Variants in ABL2 observed in about 807,000 individuals in gnomAD.
ABL2 encodes ABL proto-oncogene 2, non-receptor tyrosine kinase, also known as tyrosine-protein kinase ABL2.
ABL2 carries 49 observed loss-of-function variants against 107.7 expected under a neutral mutation model. The ratio of observed to expected loss-of-function variants is 0.45; its 90% confidence interval spans 0.36 to 0.58. The LOEUF is 0.58. ABL2 is among the 20% of genes least tolerant of loss of function. The pLI is 0.00. For synonymous variants in ABL2, 549 were observed against 548.6 expected (o/e 1.00, Z -0.01); for missense variants, 1,245 against 1,457.0 (o/e 0.85, Z 2.37).
chr1:179,130,796 G>C (rs1013582118), intron 3 of ABL2, among the ~76,000 whole-genome samples: 1 of 150,106 alleles, frequency 6.7e-6, no homozygotes, highest in African/African-American at 2.5e-5. Context: ...GCAAAAAAAA[G>C]TAACTTTTAT....
In ABL2 at chr1:179,109,458, G is replaced by A. The variant is rs759313417; in HGVS notation, c.1826-17C>T. ...TGATGAACCCTGATGAGAAATGGCC[G>A]ATCAGTAACTTAAAAGACAAGAAGT... On this transcript the variant is annotated splice_polypyrimidine_tract_variant and intron_variant, in intron 11 of 11. Transcript: ENST00000502732. 8.8e-6 allele frequency: 14 copies of A among 1,586,614 alleles called. No individual in the cohort carries two copies. Among genetic ancestry groups the A allele is most frequent in the South Asian group, 6.9e-5 (6 of 86,994 alleles).
chr1:179,110,722 C>T (rs1195293786), intron 10 of ABL2: 1 of 1,609,870 alleles, frequency 6.2e-7, no homozygotes, highest in Non-Finnish European at 8.5e-7. Context: ...ACCTGTTCTC[C>T]TCTTGATGGA....
intron 1 of ABL2, among the ~76,000 whole-genome samples, chr1:179,182,086 C>T (rs1038078843): frequency 2.6e-5 from 4 of 151,564 alleles, no homozygotes; most frequent in Non-Finnish European, 4.4e-5. Flanking sequence ...CGTGAGCCAC[C>T]GCACCCAGCC....
chr1:179,114,955 T>C lies in ABL2; in HGVS notation c.1484A>G (p.Tyr495Cys). Residue 495 changes from tyrosine to cysteine, a missense_variant, in exon 9 of 12, where the codon TAT becomes TGT. Physicochemically the swap from Tyr to Cys is radical, Grantham distance 194. This residue lies in a region of ABL2 where 320 missense variants were observed against 547.0 expected (regional missense o/e 0.59). Transcript: ENST00000502732. ...TCGATATCCTTTTTCTAGTAGGTCA[T>C]AGACCTGAGACAGGTCAATACCTGG... The part of the protein sequence containing the change: ...PYPGIDLSQV[Y>C]DLLEKGYRME... 1.9e-6 allele frequency: 3 copies of C among 1,612,754 alleles called. No homozygotes were observed. Among genetic ancestry groups the C allele is most frequent in the Non-Finnish European group, 2.5e-6 (3 of 1,179,456 alleles).
intron 1 of ABL2, among the ~76,000 whole-genome samples, chr1:179,194,722 T>C (rs2816203): frequency 0.35 from 52,502 of 152,048 alleles, 9,475 homozygotes; most frequent in East Asian, 0.48. Flanking sequence ...GAATAAATGT[T>C]GTTTGTTTTA....
At chr1:179,227,150 T>C (rs1333646458) in intron 1 of ABL2, among the ~76,000 whole-genome samples, 3 of 152,218 alleles carry the variant, frequency 2.0e-5, no homozygotes, top group Admixed American at 6.5e-5. Context: ...CTATCAAAAT[T>C]TTCTTTCTAC....
intron 1 of ABL2, among the ~76,000 whole-genome samples, chr1:179,189,324 GGGTTTCACCATGTT>G (rs2102816774): frequency 6.6e-6 from 1 of 152,138 alleles, no homozygotes; most frequent in South Asian, 2.1e-4. Context: ...AGTAGAGACG[GGGTTTCACCATGTT>G]GGCCAGGCTT....
At position 179,109,243 on chromosome 1, in the gene ABL2, A is replaced by C; in HGVS notation, c.2024T>G (p.Met675Arg). ...PPKRSSSFREMENQPHKKYEL... is the reference protein window; with the variant it reads ...PPKRSSSFRERENQPHKKYEL... Reference sequence around the variant, plus strand: ...GTATTTCTTATGGGGCTGATTCTCCATTTCTCGGAAGGAGCTGCTGCGTTT... The same window carrying C: ...GTATTTCTTATGGGGCTGATTCTCCCTTTCTCGGAAGGAGCTGCTGCGTTT... Residue 675 changes from methionine to arginine, a missense_variant, in exon 12 of 12, where the codon ATG (methionine) becomes AGG (arginine). Physicochemically the swap from Met to Arg is moderately conservative, Grantham distance 91. Transcript: ENST00000502732. 1 of 1,613,736 alleles carries C rather than the reference A, an allele frequency of 6.2e-7. No individual in the cohort carries two copies. Among genetic ancestry groups the C allele is most frequent in the East Asian group, 2.2e-5 (1 of 44,874 alleles).
At chr1:179,225,885 C>CA (rs1001164886) in intron 1 of ABL2, among the ~76,000 whole-genome samples, 8 of 149,736 alleles carry the variant, frequency 5.3e-5, no homozygotes, top group South Asian at 2.1e-4. Context: ...ACTAAAAATA[C>CA]AAAAAAAAAT....
rs1653740958 is a variant in ABL2, at chr1:179,108,839, G to A, written c.2428C>T (p.Leu810Phe). 6.2e-7 allele frequency: 1 copy of A among 1,614,058 alleles called. No individual in the cohort carries two copies. The highest frequency in any genetic ancestry group is 1.1e-5 in the South Asian group (1 of 91,082). Residue 810 changes from leucine (L) to phenylalanine (F), a missense_variant, in exon 12 of 12, where the codon CTC becomes TTC. Transcript: ENST00000502732. ...GTGGACACTGTCCTTTCCAGCTGGA[G>A]TTTGGACCTCTGGCAGTTCCTGGGA... ...TLPRNCQRSK[L>F]QLERTVSTSS...
At chr1:179,201,679 A>G (rs1475467554) in intron 1 of ABL2, 9 of 586,476 alleles carry the variant, frequency 1.5e-5, no homozygotes, top group Non-Finnish European at 2.8e-5. Flanking sequence ...GCACATGCTG[A>G]AGAGTTGTCT....
At chr1:179,182,086 C>A (rs1038078843) in intron 1 of ABL2, among the ~76,000 whole-genome samples, 2 of 151,564 alleles carry the variant, frequency 1.3e-5, no homozygotes, top group African/African-American at 4.9e-5. Context: ...CGTGAGCCAC[C>A]GCACCCAGCC....
chr1:179,143,733 G>A (rs1004992453), intron 1 of ABL2, among the ~76,000 whole-genome samples: 2 of 152,192 alleles, frequency 1.3e-5, no homozygotes, highest in Non-Finnish European at 2.9e-5. Context: ...GTCTCGCTCT[G>A]TCGCCCAGGC....
intron 10 of ABL2, chr1:179,110,949 G>C: frequency 7.3e-7 from 1 of 1,377,338 alleles, no homozygotes. Context: ...TACTCTGCAT[G>C]CTTGCTAAAA....
intron 1 of ABL2, among the ~76,000 whole-genome samples, chr1:179,219,785 GAAGT>G (rs763857077): frequency 6.6e-6 from 1 of 152,232 alleles, no homozygotes; most frequent in Non-Finnish European, 1.5e-5. Flanking sequence ...AAGAGAAAAT[GAAGT>G]AATAAATATA....
intron 1 of ABL2, among the ~76,000 whole-genome samples, chr1:179,137,164 G>A (rs1186423304): frequency 2.0e-5 from 3 of 152,070 alleles, no homozygotes; most frequent in Non-Finnish European, 2.9e-5. Flanking sequence ...ATGGTGAATG[G>A]GAACAGCTGT....
At chr1:179,111,496 C>T (rs558444121) in intron 10 of ABL2, among the ~76,000 whole-genome samples, 1 of 151,600 alleles carries the variant, frequency 6.6e-6, no homozygotes, top group African/African-American at 2.4e-5. Flanking sequence ...ATGTTGGCCA[C>T]GCTAGTCTCC....
chr1:179,219,804 C>T (rs1662775252), intron 1 of ABL2, among the ~76,000 whole-genome samples: 1 of 152,172 alleles, frequency 6.6e-6, no homozygotes, highest in Admixed American at 6.5e-5. Flanking sequence ...AATATAAATG[C>T]TAAGGCAATT....
chr1:179,198,172 CAAAA>C (rs201688067), intron 1 of ABL2, among the ~76,000 whole-genome samples: 4 of 63,578 alleles, frequency 6.3e-5, no homozygotes, highest in Admixed American at 3.6e-4. Context: ...AACCCTGTGC[CAAAA>C]AAAAAAAAAA....
Sources: allele counts gnomAD v4.1 joint callset (sites outside exome capture counted in the v4.1 genomes callset), GRCh38; gene constraint gnomAD v4.1.1; regional missense constraint gnomAD v4.1.1; transcripts MANE v1.5; gene names NCBI Gene and HGNC (gene_info 2026-07-23, HGNC 2026-07-21).